Variants in RBPMS observed in about 807,000 individuals in gnomAD.
RBPMS encodes the protein RNA binding protein, mRNA processing factor, also known as RNA-binding protein with multiple splicing.
RBPMS carries 7 observed loss-of-function variants against 26.8 expected under a neutral mutation model. That is an observed-to-expected ratio of 0.26 (90% CI 0.15 to 0.49). The LOEUF is 0.49. RBPMS is among the 20% of genes least tolerant of loss of function. The pLI is 0.98. For synonymous variants in RBPMS, 96 were observed against 93.3 expected (o/e 1.03, Z -0.17); for missense variants, 186 against 250.0 (o/e 0.74, Z 1.73).
chr8:30,518,711 T>TC (rs929527254), intron 5 of RBPMS, among the ~76,000 whole-genome samples: 2 of 136,636 alleles, frequency 1.5e-5, no homozygotes, highest in African/African-American at 2.8e-5. Context: ...TTTTTTTTTT[T>TC]TTTTCTGAAA....
At chr8:30,410,187 CACACTT>C (rs1270827720) in intron 1 of RBPMS, among the ~76,000 whole-genome samples, 2 of 146,428 alleles carry the variant, frequency 1.4e-5, no homozygotes, top group African/African-American at 5.4e-5. Flanking sequence ...CACACACACA[CACACTT>C]AACTGCTACT....
chr8:30,468,513 AC>A (rs1163620613), intron 1 of RBPMS, among the ~76,000 whole-genome samples: 4 of 152,266 alleles, frequency 2.6e-5, no homozygotes, highest in Middle Eastern at 6.8e-3. Context: ...ATAAATTGTG[AC>A]TGGGAAATGC....
At chr8:30,460,735 G>A (rs1052016857) in intron 1 of RBPMS, among the ~76,000 whole-genome samples, 1 of 151,738 alleles carries the variant, frequency 6.6e-6, no homozygotes, top group African/African-American at 2.4e-5. Flanking sequence ...TTATTTTATT[G>A]CCTTTTAGAT....
In RBPMS at chr8:30,547,397, G is replaced by A. The variant is rs945293649; in HGVS notation, c.528+2773G>A. On this transcript the variant is annotated intron_variant, in intron 6 of 8. Coordinates refer to ENST00000397323, the MANE Select transcript of RBPMS (RefSeq NM_001008710.3). ...GTTTGTAACATACCAACCTACTGCA[G>A]ACCAGCAGAGGGAGCTCCCATGTTG... The A allele has an allele frequency of 1.5e-5, 24 of 1,606,284 alleles. No homozygotes were observed. The highest frequency in any genetic ancestry group is 2.0e-5 in the Non-Finnish European group (24 of 1,178,114).
chr8:30,538,288 T>C (rs1192502302), intron 5 of RBPMS, among the ~76,000 whole-genome samples: 2 of 151,948 alleles, frequency 1.3e-5, no homozygotes, highest in Non-Finnish European at 2.9e-5. Flanking sequence ...AGAGTCTCGC[T>C]CTGTCGCCCA....
At chr8:30,422,085 GTTTTTC>G (rs1008370631) in intron 1 of RBPMS, among the ~76,000 whole-genome samples, 259 of 151,448 alleles carry the variant, frequency 1.7e-3, no homozygotes, top group African/African-American at 6.0e-3. Flanking sequence ...ATCTACTGTT[GTTTTTC>G]TTTTTCTTAT....
intron 6 of RBPMS, among the ~76,000 whole-genome samples, chr8:30,550,336 C>A (rs1160145527): frequency 6.6e-6 from 1 of 152,196 alleles, no homozygotes; most frequent in African/African-American, 2.4e-5. Flanking sequence ...AGTTTCTTAA[C>A]CTCTCTGGGC....
At chr8:30,465,403 T>C (rs1423430409) in intron 1 of RBPMS, among the ~76,000 whole-genome samples, 2 of 152,238 alleles carry the variant, frequency 1.3e-5, no homozygotes, top group Non-Finnish European at 2.9e-5. Context: ...CTTTGGCAGC[T>C]TAAAATCCTA....
At chr8:30,448,010 A>G (rs999684053) in intron 1 of RBPMS, among the ~76,000 whole-genome samples, 1 of 152,200 alleles carries the variant, frequency 6.6e-6, no homozygotes, top group African/African-American at 2.4e-5. Flanking sequence ...CCATCCTTTC[A>G]GTGTTCCTAA....
At chr8:30,549,671 C>G in intron 6 of RBPMS, 1 of 998,360 alleles carries the variant, frequency 1.0e-6, no homozygotes, top group Non-Finnish European at 1.6e-6. Context: ...CAGCGCCAGC[C>G]TCCTGTGAGA....
chr8:30,413,516 A>G (rs1309377500), intron 1 of RBPMS, among the ~76,000 whole-genome samples: 1 of 152,254 alleles, frequency 6.6e-6, no homozygotes, highest in Non-Finnish European at 1.5e-5. Context: ...GCCTGCTCCA[A>G]GAAGAGTGCT....
At chr8:30,549,951 T>C (rs565047421) in intron 6 of RBPMS, among the ~76,000 whole-genome samples, 17 of 151,628 alleles carry the variant, frequency 1.1e-4, no homozygotes, top group African/African-American at 1.5e-4. Context: ...CCCGGGTTCA[T>C]GCCATTCTCC....
chr8:30,385,536 G>C (rs904710837), intron 1 of RBPMS: 9 of 190,982 alleles, frequency 4.7e-5, no homozygotes, highest in Non-Finnish European at 9.6e-5. Flanking sequence ...GGTCGGGGGG[G>C]GAGCAGTTTA....
rs1291698400 is a variant in RBPMS, at chr8:30,440,101, A to G, written c.67-34678A>G. Reference sequence around the variant, plus strand: ...AAAACAAAAGTTTACCATCCTAACCATTTGTTTATTTTATTTTTTGGAGAC... The same window carrying G: ...AAAACAAAAGTTTACCATCCTAACCGTTTGTTTATTTTATTTTTTGGAGAC... On this transcript the variant is annotated intron_variant, in intron 1 of 8. Transcript: ENST00000397323. Among the ~76,000 whole-genome samples, 17 of 152,022 alleles carry G rather than the reference A, an allele frequency of 1.1e-4. 1 individual carries two copies. The highest frequency in any genetic ancestry group is 1.1e-3 in the Admixed American group (17 of 15,260).
At chr8:30,474,903 G>C in intron 2 of RBPMS, 47 bp downstream of exon 2, 3 of 1,255,798 alleles carry the variant, frequency 2.4e-6, no homozygotes, top group Non-Finnish European at 3.5e-6. Flanking sequence ...ACAAAAGTCT[G>C]TATGCTTTCT....
intron 4 of RBPMS, among the ~76,000 whole-genome samples, chr8:30,493,554 A>C (rs1453042289): frequency 1.3e-5 from 2 of 151,874 alleles, no homozygotes; most frequent in African/African-American, 4.8e-5. Context: ...TCGGTGTAAA[A>C]ATGTGAGCAT....
chr8:30,553,374 C>CA (rs2151072032), intron 6 of RBPMS: 1 of 152,312 alleles, frequency 6.6e-6, no homozygotes, highest in Non-Finnish European at 1.5e-5. Context: ...GTAAGGAAGA[C>CA]AATCTTTTTG....
At position 30,570,840 on chromosome 8, in the gene RBPMS, TAA is replaced by T. The variant is rs977383511; in HGVS notation, c.*316_*317del. The T allele has an allele frequency of 4.0e-5, 6 of 150,122 alleles. No individual in the cohort carries two copies. Among genetic ancestry groups the T allele is most frequent in the African/African-American group, 1.5e-4 (6 of 39,250 alleles). 9.3% of individuals were successfully genotyped at this position (150,122 alleles called of 1,614,324 possible). On this transcript the variant is annotated 3_prime_UTR_variant, in exon 9 of 9. Coordinates refer to ENST00000397323, the MANE Select transcript of RBPMS (RefSeq NM_001008710.3). ...TTTGGAGATATTTTCAAACGAAACG[TAA>T]GAGAAGTCAACAATAAAACCAAGAA...
chr8:30,483,743 T>C (rs1001129766), intron 4 of RBPMS, among the ~76,000 whole-genome samples: 1 of 152,128 alleles, frequency 6.6e-6, no homozygotes, highest in African/African-American at 2.4e-5. Flanking sequence ...TCTGTAGCCC[T>C]TAATGCAGTA....
Sources: gnomAD v4.1 joint callset for allele counts (sites outside exome capture counted in the v4.1 genomes callset) on GRCh38, gnomAD v4.1.1 for gene constraint, MANE v1.5 for transcripts, NCBI Gene and HGNC (gene_info 2026-07-23, HGNC 2026-07-21) for gene names.